Variants in N4BP2L2 observed in about 807,000 individuals in gnomAD.
The protein encoded by N4BP2L2 is NEDD4 binding protein 2 like 2.
In N4BP2L2, 50 loss-of-function variants were observed where a neutral mutation model predicts 56.2. The observed-to-expected ratio is 0.89, with a 90% CI of 0.71 to 1.13. The LOEUF (loss-of-function observed/expected upper bound fraction) is 1.13. Ranked by LOEUF, N4BP2L2 falls within the 50% of genes most tolerant of loss-of-function variation. The probability of loss-of-function intolerance (pLI) is 0.00; values close to 1 mark genes in which losing one functional copy is unlikely to be tolerated. For synonymous variants in N4BP2L2, 203 were observed against 223.6 expected (o/e 0.91, Z 0.82); for missense variants, 689 against 693.8 (o/e 0.99, Z 0.08).
At chr13:32,446,424 G>C in intron 6 of N4BP2L2, 2 of 1,360,986 alleles carry the variant, frequency 1.5e-6, no homozygotes, top group South Asian at 1.2e-5. Context: ...TCATCCTGCA[G>C]ACTAGTATGT....
At chr13:32,492,789 A>T (rs2087467598) in intron 6 of N4BP2L2, among the ~76,000 whole-genome samples, 1 of 152,174 alleles carries the variant, frequency 6.6e-6, no homozygotes, top group Non-Finnish European at 1.5e-5. Flanking sequence ...AATTTCCAAA[A>T]GTGCATGGTA....
chr13:32,438,976 A>T (rs992780250), intron 7 of N4BP2L2, among the ~76,000 whole-genome samples: 8 of 152,254 alleles, frequency 5.3e-5, no homozygotes, highest in African/African-American at 1.9e-4. Flanking sequence ...ACTGACCATG[A>T]GCTTGGCTCG....
At chr13:32,470,447 G>A (rs1279293404) in intron 6 of N4BP2L2, among the ~76,000 whole-genome samples, 1 of 152,214 alleles carries the variant, frequency 6.6e-6, no homozygotes, top group Admixed American at 6.5e-5. Flanking sequence ...AGCCCTATGG[G>A]TAGTTGACCA....
At chr13:32,447,149 G>C (rs916247742) in intron 6 of N4BP2L2, among the ~76,000 whole-genome samples, 12 of 152,196 alleles carry the variant, frequency 7.9e-5, no homozygotes, top group African/African-American at 2.9e-4. Flanking sequence ...CTTTTCATGA[G>C]AGCAGTTCTT....
intron 7 of N4BP2L2, among the ~76,000 whole-genome samples, chr13:32,441,896 TAAATAAATAAATA>T: frequency 7.0e-6 from 1 of 142,054 alleles, no homozygotes; most frequent in African/African-American, 2.6e-5. Context: ...ACAAAATAAA[TAAATAAATAAATA>T]AATAAATAAA....
chr13:32,469,960 A>C (rs1469548750), intron 6 of N4BP2L2, among the ~76,000 whole-genome samples: 5 of 152,148 alleles, frequency 3.3e-5, no homozygotes, highest in Admixed American at 2.6e-4. Flanking sequence ...CCGCAGCCAC[A>C]TGTGGACTTG....
At position 32,443,818 on chromosome 13, in the gene N4BP2L2, A is replaced by G. The variant is rs373054008; in HGVS notation, c.674T>C (p.Met225Thr). ...TGTGTTGTCTAATTCAACTATAGACATAACGTTTTGGAAACTGTCTTTAGG... is the reference window on the plus strand; with the variant it reads ...TGTGTTGTCTAATTCAACTATAGACGTAACGTTTTGGAAACTGTCTTTAGG... Residue 225 changes from methionine to threonine, a missense_variant, in exon 7 of 10, where the codon ATG (methionine) becomes ACG (threonine). Met to Thr is a moderately conservative substitution (Grantham distance 81, BLOSUM62 -1). Coordinates refer to the N4BP2L2 transcript ENST00000357505. 2.5e-6 allele frequency: 4 copies of G among 1,587,358 alleles called. No individual in the cohort carries two copies. In the African/African-American group the frequency reaches 4.1e-5, roughly 16 times the overall value.
intron 6 of N4BP2L2, among the ~76,000 whole-genome samples, chr13:32,448,778 TATG>T (rs1388146104): frequency 6.6e-6 from 1 of 152,214 alleles, no homozygotes; most frequent in Non-Finnish European, 1.5e-5. Flanking sequence ...TATACTAATT[TATG>T]ATAACGGGCA....
intron 9 of N4BP2L2, among the ~76,000 whole-genome samples, chr13:32,436,019 C>A (rs183300278): frequency 8.9e-4 from 135 of 152,302 alleles, no homozygotes; most frequent in East Asian, 2.1e-3. Flanking sequence ...AGAACCTACA[C>A]CCCTAATTCC....
intron 6 of N4BP2L2, among the ~76,000 whole-genome samples, chr13:32,487,509 G>C (rs1371213081): frequency 6.7e-6 from 1 of 149,832 alleles, no homozygotes; most frequent in Admixed American, 6.6e-5. Flanking sequence ...AAAAAAAGTA[G>C]AAGATAAAAT....
At chr13:32,529,110 G>C (rs554409859) in intron 2 of N4BP2L2, among the ~76,000 whole-genome samples, 5 of 152,286 alleles carry the variant, frequency 3.3e-5, no homozygotes, top group Admixed American at 3.3e-4. Flanking sequence ...CAATACAGAT[G>C]CAATATTTTT....
chr13:32,439,264 C>A (rs1029877028), intron 7 of N4BP2L2, among the ~76,000 whole-genome samples: 3 of 152,162 alleles, frequency 2.0e-5, no homozygotes, highest in Admixed American at 1.3e-4. Flanking sequence ...TTTCTATATG[C>A]ACTAATTTTA....
At chr13:32,493,225 T>A (rs956370341) in intron 6 of N4BP2L2, among the ~76,000 whole-genome samples, 2 of 151,984 alleles carry the variant, frequency 1.3e-5, no homozygotes, top group African/African-American at 4.8e-5. Context: ...GTGCCCAGTC[T>A]CTTTCTTTTT....
Position 32,464,822 on chromosome 13 carries a change from C to A in N4BP2L2, c.366-20696G>T, listed in dbSNP as rs117144163. Among the ~76,000 whole-genome samples, 1,023 of 152,050 alleles carry A rather than the reference C, an allele frequency of 6.7e-3. 18 individuals carry two copies. In the East Asian group the frequency reaches 0.082, roughly 12 times the overall value. ...AGTCATAAAAAGGCATACAAATGGT[C>A]CAAAATACATGAAATAAAAACCAAC... On this transcript the variant is annotated intron_variant, in intron 6 of 9. Transcript: ENST00000357505.
intron 6 of N4BP2L2, among the ~76,000 whole-genome samples, chr13:32,494,535 G>A (rs2088022000): frequency 6.6e-6 from 1 of 152,050 alleles, no homozygotes; most frequent in Non-Finnish European, 1.5e-5. Context: ...AGGCCGAGGC[G>A]TGCAGATCAC....
chr13:32,513,774 C>T (rs2048620569), exon 6 of N4BP2L2: 1 of 151,992 alleles, frequency 6.6e-6, no homozygotes, highest in Non-Finnish European at 1.5e-5. Context: ...AAAGCAACAA[C>T]AATACAACTT....
exon 7 of N4BP2L2, chr13:32,442,887 G>T: frequency 6.2e-7 from 1 of 1,612,936 alleles, no homozygotes; most frequent in Non-Finnish European, 8.5e-7. Flanking sequence ...GATGATCAAA[G>T]GTCATAAGTT....
exon 6 of N4BP2L2, chr13:32,513,823 T>C (rs990577794): frequency 5.3e-5 from 8 of 152,114 alleles, no homozygotes; most frequent in Non-Finnish European, 1.2e-4. Flanking sequence ...CAGAATACAT[T>C]AAACTTCAAT....
exon 6 of N4BP2L2, chr13:32,512,350 T>C (rs888444233): frequency 1.3e-5 from 2 of 152,172 alleles, no homozygotes; most frequent in African/African-American, 4.8e-5. Flanking sequence ...GCTAATGCAA[T>C]TGTGTCTAGT....
Sources: gnomAD v4.1 joint callset for allele counts (sites outside exome capture counted in the v4.1 genomes callset) on GRCh38, gnomAD v4.1.1 for gene constraint, MANE v1.5 for transcripts, NCBI Gene and HGNC (gene_info 2026-07-23, HGNC 2026-07-21) for gene names.